The following CNTN4 variants were observed in gnomAD, a reference collection of about 807,000 sequenced individuals.
CNTN4 encodes the protein contactin 4, also known as contactin-4.
A neutral mutation model predicts 122.5 loss-of-function variants in CNTN4; 77 were observed. That is an observed-to-expected ratio of 0.63 (90% CI 0.52 to 0.76). The LOEUF (loss-of-function observed/expected upper bound fraction) is 0.76. Ranked by LOEUF, CNTN4 falls within the 30% of genes least tolerant of loss-of-function variation. The pLI is 0.00. For synonymous variants in CNTN4, 512 were observed against 447.0 expected (o/e 1.15, Z -1.83); for missense variants, 1,256 against 1,259.1 (o/e 1.00, Z 0.04).
intron 2 of CNTN4, among the ~76,000 whole-genome samples, chr3:2,235,034 A>G (rs1446801061): frequency 6.6e-6 from 1 of 152,172 alleles, no homozygotes; most frequent in African/African-American, 2.4e-5. Context: ...ATCTTGGCTT[A>G]TCTGTTGTAT....
chr3:2,355,629 T>G (rs2150492841), intron 3 of CNTN4, among the ~76,000 whole-genome samples: 1 of 152,178 alleles, frequency 6.6e-6, no homozygotes, highest in East Asian at 1.9e-4. Flanking sequence ...GAAGGTATTT[T>G]CTTTCATCTT....
chr3:2,340,710 T>TATATATATAGAGAGAGAGAGAGAGAG, intron 3 of CNTN4, among the ~76,000 whole-genome samples: 7 of 18,304 alleles, frequency 3.8e-4, no homozygotes, highest in Non-Finnish European at 8.1e-4. Flanking sequence ...TATATATATA[T>TATATATATAGAGAGAGAGAGAGAGAG]AGAGAGAGAG....
intron 23 of CNTN4, among the ~76,000 whole-genome samples, chr3:3,052,798 C>T (rs1002552410): frequency 8.5e-5 from 13 of 152,282 alleles, no homozygotes; most frequent in African/African-American, 3.1e-4. Flanking sequence ...TACCTAGCCC[C>T]ATAAAGTGGG....
At chr3:2,678,307 A>G (rs187465251) in intron 4 of CNTN4, among the ~76,000 whole-genome samples, 1 of 152,292 alleles carries the variant, frequency 6.6e-6, no homozygotes, top group East Asian at 1.9e-4. Context: ...CCTGTCGTAA[A>G]AAAATTTTTT....
intron 2 of CNTN4, among the ~76,000 whole-genome samples, chr3:2,151,974 A>AT (rs1013345970): frequency 2.6e-5 from 4 of 152,170 alleles, no homozygotes; most frequent in Non-Finnish European, 4.4e-5. Context: ...ATAATGCATG[A>AT]TTTTTTCTAA....
intron 5 of CNTN4, among the ~76,000 whole-genome samples, chr3:2,739,344 G>A (rs959350467): frequency 6.6e-6 from 1 of 151,544 alleles, no homozygotes; most frequent in African/African-American, 2.4e-5. Flanking sequence ...TAAAGCTAAA[G>A]GTGCACGTAC....
chr3:2,851,688 T>C (rs1240370567), intron 7 of CNTN4, among the ~76,000 whole-genome samples: 1 of 152,200 alleles, frequency 6.6e-6, no homozygotes, highest in Non-Finnish European at 1.5e-5. Context: ...GTGAGAAAAC[T>C]GAGGCTTAGA....
intron 4 of CNTN4, among the ~76,000 whole-genome samples, chr3:2,677,694 A>C (rs952561836): frequency 6.6e-6 from 1 of 152,122 alleles, no homozygotes; most frequent in African/African-American, 2.4e-5. Flanking sequence ...TTCCCAGCAG[A>C]TGGTGGTGGC....
intron 3 of CNTN4, among the ~76,000 whole-genome samples, chr3:2,372,887 A>G (rs566930785): frequency 1.3e-5 from 2 of 152,246 alleles, no homozygotes; most frequent in Non-Finnish European, 2.9e-5. Flanking sequence ...ATCTCTACTA[A>G]AAATACAAAA....
At chr3:2,479,444 G>A (rs2075923458) in intron 3 of CNTN4, among the ~76,000 whole-genome samples, 1 of 152,184 alleles carries the variant, frequency 6.6e-6, no homozygotes, top group Admixed American at 6.5e-5. Context: ...CACCATAAGT[G>A]AACAGAATGT....
chr3:2,847,166 C>CAAA (rs11456371), intron 7 of CNTN4, among the ~76,000 whole-genome samples: 40,297 of 143,934 alleles, frequency 0.28, 5,538 homozygotes, highest in Middle Eastern at 0.33. Flanking sequence ...GCAAATGTTG[C>CAAA]AAAAAAAAAA....
intron 16 of CNTN4, among the ~76,000 whole-genome samples, 156 bp downstream of exon 16, chr3:3,031,131 G>A (rs745446931): frequency 1.1e-4 from 17 of 152,302 alleles, no homozygotes; most frequent in Middle Eastern, 3.4e-3. Flanking sequence ...AGAAGTTTCT[G>A]GTTCATATAC....
intron 3 of CNTN4, among the ~76,000 whole-genome samples, chr3:2,383,034 C>G (rs532095327): frequency 1.2e-3 from 183 of 151,204 alleles, no homozygotes; most frequent in African/African-American, 4.2e-3. Context: ...GAGATTGTGC[C>G]ACTGCACTCC....
chr3:2,803,254 T>C (rs888079077), intron 6 of CNTN4, among the ~76,000 whole-genome samples: 1 of 152,174 alleles, frequency 6.6e-6, no homozygotes, highest in African/African-American at 2.4e-5. Flanking sequence ...AGACACCAGA[T>C]TGACATAAAC....
At chr3:2,627,490 C>CT (rs869106549) in intron 4 of CNTN4, among the ~76,000 whole-genome samples, 4,573 of 116,170 alleles carry the variant, frequency 0.039, 205 homozygotes, top group African/African-American at 0.058. Flanking sequence ...CATTAAGTGT[C>CT]TTTTTTTTTT....
intron 3 of CNTN4, among the ~76,000 whole-genome samples, chr3:2,436,625 G>A (rs1344052459): frequency 6.6e-6 from 1 of 151,872 alleles, no homozygotes; most frequent in African/African-American, 2.4e-5. Flanking sequence ...TTAATGTTTG[G>A]TTGGGATGTT....
At chr3:2,715,118 C>T (rs2087411124) in intron 4 of CNTN4, among the ~76,000 whole-genome samples, 1 of 152,006 alleles carries the variant, frequency 6.6e-6, no homozygotes, top group South Asian at 2.1e-4. Flanking sequence ...TTACATTCTA[C>T]TTGTTGCTTT....
At chr3:3,048,766 A>G (rs563357092) in intron 23 of CNTN4, among the ~76,000 whole-genome samples, 110 of 152,304 alleles carry the variant, frequency 7.2e-4, no homozygotes, top group African/African-American at 2.6e-3. Context: ...TTTCCTCCCA[A>G]ATACTGAACA....
intron 6 of CNTN4, among the ~76,000 whole-genome samples, chr3:2,746,089 A>ACC (rs2089745821): frequency 2.0e-4 from 8 of 39,386 alleles, no homozygotes; most frequent in Middle Eastern, 0.011. Flanking sequence ...CAAATTTTAC[A>ACC]CACACACACA....
Sources: gnomAD v4.1 joint callset for allele counts (sites outside exome capture counted in the v4.1 genomes callset) on GRCh38, gnomAD v4.1.1 for gene constraint, MANE v1.5 for transcripts, NCBI Gene and HGNC (gene_info 2026-07-23, HGNC 2026-07-21) for gene names.